ASCC3: variants seen among roughly 807,000 people sequenced by gnomAD.
The protein encoded by ASCC3 is ASC-1 complex subunit P200.
A neutral mutation model predicts 256.3 loss-of-function variants in ASCC3; 158 were observed. The observed-to-expected ratio is 0.62, with a 90% confidence interval of 0.54 to 0.70. The LOEUF is 0.70. ASCC3 is among the 30% of genes least tolerant of loss of function. The pLI is 0.00. For missense variants in ASCC3, 2,259 were observed against 2,626.0 expected, an observed-to-expected ratio of 0.86 and a Z score of 3.05; for synonymous variants, 948 against 883.4, an observed-to-expected ratio of 1.07 and a Z score of -1.30.
intron 8 of ASCC3, among the ~76,000 whole-genome samples, chr6:100,788,291 T>C (rs1341864374): frequency 2.0e-5 from 3 of 151,840 alleles, no homozygotes; most frequent in South Asian, 2.1e-4. Context: ...AAGTAAAATG[T>C]TTAAAAATTT....
intron 8 of ASCC3, among the ~76,000 whole-genome samples, chr6:100,791,054 A>C (rs1769329336): frequency 6.6e-6 from 1 of 151,888 alleles, no homozygotes; most frequent in African/African-American, 2.4e-5. Context: ...AGTAAACATT[A>C]TTTTTTAATA....
chr6:100,618,274 A>C (rs928594344), intron 30 of ASCC3, among the ~76,000 whole-genome samples: 3 of 152,216 alleles, frequency 2.0e-5, no homozygotes, highest in Non-Finnish European at 4.4e-5. Flanking sequence ...TTGATGATTC[A>C]CATTTTGCCC....
intron 10 of ASCC3, among the ~76,000 whole-genome samples, chr6:100,761,134 G>A (rs1781399874): frequency 6.6e-6 from 1 of 152,132 alleles, no homozygotes; most frequent in Admixed American, 6.5e-5. Flanking sequence ...TAATTTGAAT[G>A]GAGTGAATTT....
At chr6:100,595,679 G>A (rs891265905) in intron 34 of ASCC3, among the ~76,000 whole-genome samples, 3 of 152,274 alleles carry the variant, frequency 2.0e-5, no homozygotes, top group Admixed American at 2.0e-4. Context: ...GAATGGGATG[G>A]AATCCTAGTG....
At chr6:100,730,162 A>C (rs1779834900) in intron 10 of ASCC3, among the ~76,000 whole-genome samples, 1 of 151,512 alleles carries the variant, frequency 6.6e-6, no homozygotes, top group Non-Finnish European at 1.5e-5. Flanking sequence ...AATTAACTGG[A>C]TGTGGTTGCA....
At position 100,798,820 on chromosome 6, in the gene ASCC3, T is replaced by G; in HGVS notation, c.1288A>C (p.Ile430Leu). The change falls in exon 8 of 42, where the codon ATC becomes CTC. Residue 430 changes from isoleucine to leucine, a missense_variant. Coordinates refer to ENST00000369162, the MANE Select transcript of ASCC3 (RefSeq NM_006828.4). ...TAAAGCTTGTTATTCTCTCTTTGGATTCCTTCTGGCAAAATCATCTATAAA... is the reference window on the plus strand; with the variant it reads ...TAAAGCTTGTTATTCTCTCTTTGGAGTCCTTCTGGCAAAATCATCTATAAA... ...AGAKMILPEG[I>L]QRENNKLYEE... 1.9e-6 allele frequency: 3 copies of G among 1,612,602 alleles called. No individual in the cohort carries two copies. Among genetic ancestry groups the G allele is most frequent in the Non-Finnish European group, 2.5e-6 (3 of 1,179,396 alleles).
intron 5 of ASCC3, among the ~76,000 whole-genome samples, chr6:100,803,832 A>T (rs1770040419): frequency 6.6e-6 from 1 of 152,144 alleles, no homozygotes; most frequent in Admixed American, 6.6e-5. Flanking sequence ...CATAAATGTA[A>T]GAAAATGAGG....
At chr6:100,541,336 C>T (rs1433506064) in intron 36 of ASCC3, among the ~76,000 whole-genome samples, 1 of 151,258 alleles carries the variant, frequency 6.6e-6, no homozygotes, top group Non-Finnish European at 1.5e-5. Context: ...AGTGGTCTTC[C>T]AGATGCTGAA....
At chr6:100,722,616 G>T (rs754767714) in intron 11 of ASCC3, among the ~76,000 whole-genome samples, 2 of 151,714 alleles carry the variant, frequency 1.3e-5, no homozygotes, top group African/African-American at 4.8e-5. Flanking sequence ...TGGTACATGT[G>T]TAAGTGTTTA....
intron 33 of ASCC3, among the ~76,000 whole-genome samples, chr6:100,602,931 A>T (rs943442821): frequency 1.3e-5 from 2 of 152,108 alleles, no homozygotes; most frequent in East Asian, 1.9e-4. Context: ...TTGAATTTTT[A>T]AAAAAGTTGC....
chr6:100,797,844 C>T (rs1408555658), intron 8 of ASCC3, among the ~76,000 whole-genome samples: 1 of 151,996 alleles, frequency 6.6e-6, no homozygotes, highest in East Asian at 1.9e-4. Context: ...AGAATAAAGG[C>T]ATAAAATGGA....
At chr6:100,614,378 C>G (rs956577303) in intron 30 of ASCC3, among the ~76,000 whole-genome samples, 2 of 152,052 alleles carry the variant, frequency 1.3e-5, no homozygotes, top group Middle Eastern at 3.2e-3. Context: ...CAAAGAGAAC[C>G]TATAAGGTAT....
intron 4 of ASCC3, among the ~76,000 whole-genome samples, chr6:100,838,414 A>G (rs1233789490): frequency 6.6e-6 from 1 of 152,092 alleles, no homozygotes; most frequent in African/African-American, 2.4e-5. Flanking sequence ...ATTATTAAGT[A>G]TTCATACATT....
At chr6:100,815,734 A>G (rs2114402043) in intron 4 of ASCC3, among the ~76,000 whole-genome samples, 1 of 152,212 alleles carries the variant, frequency 6.6e-6, no homozygotes, top group East Asian at 1.9e-4. Flanking sequence ...TGAAGCTGGA[A>G]GATTGAATCT....
intron 36 of ASCC3, among the ~76,000 whole-genome samples, chr6:100,552,740 GA>G (rs968533628): frequency 3.2e-4 from 46 of 144,210 alleles, no homozygotes; most frequent in South Asian, 8.8e-4. Context: ...ATTTCTGAAA[GA>G]AAAAAAAAAG....
intron 16 of ASCC3, among the ~76,000 whole-genome samples, chr6:100,660,063 T>C (rs1776116865): frequency 6.6e-6 from 1 of 151,542 alleles, no homozygotes; most frequent in Non-Finnish European, 1.5e-5. Flanking sequence ...AGAAAAATTA[T>C]GGCTACCATT....
At chr6:100,582,677 G>T (rs932160510) in intron 36 of ASCC3, among the ~76,000 whole-genome samples, 76 of 151,776 alleles carry the variant, frequency 5.0e-4, no homozygotes, top group African/African-American at 1.7e-3. Context: ...TTTTCAAAGG[G>T]AATGCTTCCA....
intron 8 of ASCC3, among the ~76,000 whole-genome samples, chr6:100,767,647 C>T (rs557785624): frequency 1.3e-5 from 2 of 151,868 alleles, no homozygotes; most frequent in East Asian, 3.9e-4. Flanking sequence ...CTCACTCTGT[C>T]GCCCTGGCTG....
chr6:100,785,070 C>A (rs1782627634), intron 8 of ASCC3, among the ~76,000 whole-genome samples: 1 of 152,036 alleles, frequency 6.6e-6, no homozygotes, highest in Non-Finnish European at 1.5e-5. Flanking sequence ...TACATGGACA[C>A]TGTTATTTTC....
Sources: allele counts gnomAD v4.1 joint callset (sites outside exome capture counted in the v4.1 genomes callset), GRCh38; gene constraint gnomAD v4.1.1; transcripts MANE v1.5; gene names NCBI Gene and HGNC (gene_info 2026-07-23, HGNC 2026-07-21).